TRIP12: variants seen among roughly 807,000 people sequenced by gnomAD.
TRIP12 encodes thyroid hormone receptor interactor 12, also known as E3 ubiquitin-protein ligase TRIP12.
Under a neutral mutation model 244.2 loss-of-function variants are expected in TRIP12, and 25 were observed. That is an observed-to-expected ratio of 0.10 (90% CI 0.07 to 0.14). TRIP12 has a LOEUF of 0.14. Ranked by LOEUF, TRIP12 falls within the 10% of genes least tolerant of loss-of-function variation. The pLI, the probability that TRIP12 is intolerant of heterozygous loss-of-function variation, is 1.00. For missense variants in TRIP12, 1,677 were observed against 2,486.4 expected, an observed-to-expected ratio of 0.67 and a Z score of 6.92; for synonymous variants, 905 against 873.1, an observed-to-expected ratio of 1.04 and a Z score of -0.64.
At chr2:229,806,289 C>T (rs1169215857) in intron 17 of TRIP12, 2 of 153,904 alleles carry the variant, frequency 1.3e-5, no homozygotes, top group Non-Finnish European at 2.9e-5. Context: ...GAATTCTTAG[C>T]GACCTACCAA....
Position 229,794,505 on chromosome 2 carries a change from G to A in TRIP12, c.3968+674C>T, listed in dbSNP as rs1559449159. Among the ~76,000 whole-genome samples, 5 of 152,112 alleles carry A rather than the reference G, an allele frequency of 3.3e-5. No individual in the cohort carries two copies. In the South Asian group the frequency reaches 1.0e-3, roughly 31 times the overall value. Reference sequence around the variant, plus strand: ...TCTCTTCAGCCAGGAGGTCAAGGCTGCAGTGAGCCATGTTCACACTAGTGT... The same window carrying A: ...TCTCTTCAGCCAGGAGGTCAAGGCTACAGTGAGCCATGTTCACACTAGTGT... On this transcript the variant is annotated intron_variant, in intron 26 of 41. Coordinates refer to ENST00000675903, the MANE Select transcript of TRIP12 (RefSeq NM_001348323.3).
chr2:229,814,040 T>C lies in TRIP12; in HGVS notation c.1825-9A>G, dbSNP rs369778406. On this transcript the variant is annotated splice_polypyrimidine_tract_variant and intron_variant, in intron 12 of 41. Coordinates refer to ENST00000675903, the MANE Select transcript of TRIP12 (RefSeq NM_001348323.3). ...CAGTCTGCCAAACCACCCTAAAATA[T>C]AGAAAACTGTTAAGGTAAAGAAAAA... 187 of 1,565,910 alleles carry C rather than the reference T, an allele frequency of 1.2e-4. No individual in the cohort carries two copies. Among genetic ancestry groups the C allele is most frequent in the African/African-American group, 6.5e-4 (48 of 74,020 alleles).
intron 8 of TRIP12, among the ~76,000 whole-genome samples, chr2:229,819,066 AC>A (rs2049248355): frequency 6.8e-6 from 1 of 147,366 alleles, no homozygotes; most frequent in South Asian, 2.2e-4. Flanking sequence ...ACACACACAC[AC>A]ACACACACAC....
rs1254119282 is a variant in TRIP12, at chr2:229,771,414, CATTT to C, written c.5808+101_5808+104del. ...CATCCATCCCCTGCTATCTAACACC[CATTT>C]TTTTGTTTTTGTGCAACAATACGGT... On this transcript the variant is annotated intron_variant, in intron 39 of 41. Coordinates refer to ENST00000675903, the MANE Select transcript of TRIP12 (RefSeq NM_001348323.3). 3 of 856,318 alleles carry C rather than the reference CATTT, an allele frequency of 3.5e-6. No homozygotes were observed. In the African/African-American group the frequency reaches 5.1e-5, roughly 15 times the overall value. The allele number at this position is 856,318 out of a possible 1,614,324, so 53.0% of individuals were successfully genotyped here.
intron 32 of TRIP12, 77 bp from the exon 33 acceptor site, chr2:229,787,738 T>C: frequency 7.7e-7 from 1 of 1,297,964 alleles, no homozygotes; most frequent in South Asian, 1.6e-5. Flanking sequence ...AAACTTATAT[T>C]AGAAACAACT....
intron 21 of TRIP12, among the ~76,000 whole-genome samples, chr2:229,800,356 T>C (rs2043958173): frequency 6.6e-6 from 1 of 152,220 alleles, no homozygotes. Context: ...AGAAATAGTT[T>C]GTAACAGCAA....
At chr2:229,851,886 G>C (rs2058781277) in intron 4 of TRIP12, among the ~76,000 whole-genome samples, 1 of 152,158 alleles carries the variant, frequency 6.6e-6, no homozygotes, top group African/African-American at 2.4e-5. Flanking sequence ...CACCATGAGG[G>C]TCCGCGGCTT....
chr2:229,798,675 C>T (rs575670165), intron 23 of TRIP12, among the ~76,000 whole-genome samples, 200 bp downstream of exon 23: 51 of 152,194 alleles, frequency 3.4e-4, no homozygotes, highest in Non-Finnish European at 5.4e-4. Context: ...AGTTTCAAAG[C>T]ACATGACTGG....
intron 2 of TRIP12, 26 bp downstream of exon 2, chr2:229,879,956 T>C (rs1328051123): frequency 1.9e-6 from 3 of 1,611,720 alleles, no homozygotes; most frequent in East Asian, 4.5e-5. Context: ...TCCCAATTCC[T>C]TTTCAAATTA....
chr2:229,890,091 T>C (rs2066965303), intron 1 of TRIP12, among the ~76,000 whole-genome samples: 1 of 151,698 alleles, frequency 6.6e-6, no homozygotes, highest in African/African-American at 2.4e-5. Context: ...TTTTTTTTTT[T>C]TTTTTTGAGA....
intron 8 of TRIP12, among the ~76,000 whole-genome samples, chr2:229,824,397 CAAAAACATCGTA>C (rs765373830): frequency 2.3e-4 from 35 of 152,142 alleles, no homozygotes; most frequent in Non-Finnish European, 4.9e-4. Context: ...GCAACACCTA[CAAAAACATCGTA>C]TGCATTTACA....
intron 7 of TRIP12, among the ~76,000 whole-genome samples, chr2:229,829,886 T>C (rs1447866722): frequency 6.6e-6 from 1 of 152,066 alleles, no homozygotes; most frequent in African/African-American, 2.4e-5. Context: ...GAGGTGGAGT[T>C]TGCAGTGAGC....
In TRIP12 at chr2:229,807,728, T is replaced by C; in HGVS notation, c.2476A>G (p.Ile826Val). 1 of 1,614,128 alleles carries C rather than the reference T, an allele frequency of 6.2e-7. No individual in the cohort carries two copies. The highest frequency in any genetic ancestry group is 8.5e-7 in the Non-Finnish European group (1 of 1,180,020). Reference protein sequence around the residue: ...DRGLWHPYNRIDSRIIEAAHQ... With the variant: ...DRGLWHPYNRVDSRIIEAAHQ... ...ACTACCTCAATGATCCGGCTGTCAA[T>C]CCTGTTATATGGATGCCAGAGGCCC... is the stretch of plus-strand genomic sequence containing the variant. The change falls in exon 17 of 42, where the codon ATT (isoleucine) becomes GTT (valine). Residue 826 changes from isoleucine to valine, a missense_variant. This residue lies in a region of TRIP12 where 572 missense variants were observed against 867.8 expected (regional missense o/e 0.66). Coordinates refer to ENST00000675903, the MANE Select transcript of TRIP12 (RefSeq NM_001348323.3).
chr2:229,777,606 T>C lies in TRIP12; in HGVS notation c.5365-127A>G, dbSNP rs73099239. ...GTAATCCCCAAGAAAGAAAATTCTG[T>C]AGTTACAAACTATTTCTCCCACTAC... is the stretch of plus-strand genomic sequence containing the variant. On this transcript the variant is annotated intron_variant, in intron 36 of 41. Transcript: ENST00000675903. 1,097 of 948,350 alleles carry C rather than the reference T, an allele frequency of 1.2e-3. 10 individuals are homozygous for C. In the African/African-American group the frequency reaches 0.016, roughly 14 times the overall value. The allele number at this position is 948,350 out of a possible 1,614,324, so 58.7% of individuals were successfully genotyped here.
chr2:229,830,892 G>A lies in TRIP12; in HGVS notation c.1271-53C>T, dbSNP rs947255659. ...TAGGAGGAGCACTTAAACACATTAT[G>A]TCTGGCTTACCTTAGAAAAACCAAA... On this transcript the variant is annotated intron_variant, in intron 6 of 41. Coordinates refer to ENST00000675903, the MANE Select transcript of TRIP12 (RefSeq NM_001348323.3). 1.6e-5 allele frequency: 25 copies of A among 1,573,888 alleles called. No homozygotes were observed. In the African/African-American group the frequency reaches 3.0e-4, roughly 19 times the overall value.
rs2047077905 is a variant in TRIP12, at chr2:229,810,796, C to T, written c.2221+84G>A. On this transcript the variant is annotated intron_variant, in intron 15 of 41. Transcript: ENST00000675903. ...TGCCTATAATATTAGTAATCTCTTC[C>T]ATTTGCTCGGCTTATGTTGACTTTA... The T allele has an allele frequency of 2.2e-6, 3 of 1,358,120 alleles. No individual in the cohort carries two copies. The South Asian group carries it at 4.2e-5, about 19-fold the overall frequency. 84.1% of individuals were successfully genotyped at this position (1,358,120 alleles called of 1,614,324 possible).
In TRIP12 at chr2:229,778,760, G is replaced by A; in HGVS notation, c.5209+116C>T. ...CCTATTTGATAAATGAGAAAACAGA[G>A]GCTAAAAGAAAGCAAGTACAGCTGT... On this transcript the variant is annotated intron_variant, in intron 35 of 41. Transcript: ENST00000675903. This position sits in a 1 kb window ranked among gnomAD's most constrained non-coding sequence, Gnocchi z 4.1. 2 of 1,343,578 alleles carry A rather than the reference G, an allele frequency of 1.5e-6. No homozygotes were observed. Among genetic ancestry groups the A allele is most frequent in the Non-Finnish European group, 2.1e-6 (2 of 968,096 alleles). 83.2% of individuals were successfully genotyped at this position (1,343,578 alleles called of 1,614,324 possible). A position where few individuals can be genotyped will look rare whatever the true frequency, so the allele number is the denominator to read the frequency against.
chr2:229,780,260 C>T (rs1313010892), intron 34 of TRIP12, among the ~76,000 whole-genome samples: 1 of 152,310 alleles, frequency 6.6e-6, no homozygotes, highest in East Asian at 1.9e-4. Flanking sequence ...ATTCTTTAAA[C>T]TCGCATAATC....
intron 27 of TRIP12, 136 bp from the exon 28 acceptor site, chr2:229,792,362 C>T (rs769507916): frequency 2.8e-5 from 24 of 861,036 alleles, no homozygotes; most frequent in African/African-American, 5.1e-5. Flanking sequence ...ATGCTTGAGC[C>T]CAGAAGTGTT....
Sources: gnomAD v4.1 joint callset for allele counts (sites outside exome capture counted in the v4.1 genomes callset) on GRCh38, gnomAD v4.1.1 for gene constraint, gnomAD v4.1.1 regional missense constraint, Gnocchi (gnomAD v3.1) non-coding constraint, MANE v1.5 for transcripts, NCBI Gene and HGNC (gene_info 2026-07-23, HGNC 2026-07-21) for gene names.